Variants in FAM171B observed in about 807,000 individuals in gnomAD.
The protein encoded by FAM171B is protein FAM171B.
FAM171B carries 19 observed loss-of-function variants against 75.6 expected under a neutral mutation model. That is an observed-to-expected ratio of 0.25 (90% CI 0.18 to 0.37). FAM171B has a LOEUF of 0.37. Among genes scored for constraint, FAM171B ranks in the 10% least tolerant of loss-of-function variants. The pLI, the probability that FAM171B is intolerant of heterozygous loss-of-function variation, is 1.00. For synonymous variants in FAM171B, 367 were observed against 361.7 expected (o/e 1.01, Z -0.17); for missense variants, 848 against 982.4 (o/e 0.86, Z 1.83).
intron 1 of FAM171B, among the ~76,000 whole-genome samples, chr2:186,696,805 T>TA (rs1689588058): frequency 6.6e-6 from 1 of 152,128 alleles, no homozygotes. Flanking sequence ...AATCTGCACA[T>TA]CCTTTTTGCT....
chr2:186,746,975 T>G, intron 3 of FAM171B, 117 bp from the exon 4 acceptor site: 1 of 727,504 alleles, frequency 1.4e-6, no homozygotes, highest in Non-Finnish European at 2.2e-6. Context: ...CATGAGAAGA[T>G]GCTAATGATG....
intron 1 of FAM171B, 126 bp from the exon 2 acceptor site, chr2:186,740,102 A>C: frequency 1.6e-6 from 1 of 627,116 alleles, no homozygotes; most frequent in Non-Finnish European, 2.8e-6. Context: ...ATATGTATTT[A>C]TGTGTAGTTC....
At chr2:186,741,009 C>T (rs1690281525) in intron 2 of FAM171B, among the ~76,000 whole-genome samples, 1 of 152,026 alleles carries the variant, frequency 6.6e-6, no homozygotes. Context: ...GGGCAATTTG[C>T]CATTACAGAC....
chr2:186,753,953 C>T lies in FAM171B; in HGVS notation c.916C>T (p.Arg306Trp), dbSNP rs149747896. Residue 306 changes from arginine to tryptophan, a missense_variant, in exon 6 of 8, where the codon CGG (arginine) becomes TGG (tryptophan). Physicochemically the swap from Arg to Trp is moderately radical, Grantham distance 101. Transcript: ENST00000304698. Reference sequence around the variant, plus strand: ...TTTAGGTGCTTGGGTAAATCATGGTCGGGGAATGGTCAAGGAACATAACAA... The same window carrying T: ...TTTAGGTGCTTGGGTAAATCATGGTTGGGGAATGGTCAAGGAACATAACAA... ...MNTGAWVNHG[R>W]GMVKEHNNHL... 52 of 1,613,182 alleles carry T rather than the reference C, an allele frequency of 3.2e-5. No homozygotes were observed. The highest frequency in any genetic ancestry group is 5.3e-5 in the African/African-American group (4 of 74,828).
chr2:186,694,994 T>G (rs2105767730), intron 1 of FAM171B, among the ~76,000 whole-genome samples: 1 of 152,302 alleles, frequency 6.6e-6, no homozygotes, highest in Non-Finnish European at 1.5e-5. Flanking sequence ...GTTTAAGGGT[T>G]CATCTTATTG....
chr2:186,753,798 G>C (rs1690491902), intron 5 of FAM171B, 135 bp from the exon 6 acceptor site: 2 of 586,262 alleles, frequency 3.4e-6, no homozygotes, highest in African/African-American at 1.9e-5. Flanking sequence ...ATAATATGAT[G>C]TGATATATAT....
intron 2 of FAM171B, 128 bp from the exon 3 acceptor site, chr2:186,743,355 T>C (rs1690319346): frequency 1.6e-6 from 1 of 610,796 alleles, no homozygotes; most frequent in Non-Finnish European, 3.0e-6. Context: ...TTTGAATTGC[T>C]CTTCCCATCA....
At chr2:186,734,068 C>T (rs1481293953) in intron 1 of FAM171B, among the ~76,000 whole-genome samples, 1 of 152,186 alleles carries the variant, frequency 6.6e-6, no homozygotes, top group Non-Finnish European at 1.5e-5. Flanking sequence ...ATGAAATACA[C>T]AGACAACTGG....
chr2:186,728,765 G>A (rs892348610), intron 1 of FAM171B, among the ~76,000 whole-genome samples: 2 of 152,084 alleles, frequency 1.3e-5, no homozygotes, highest in Non-Finnish European at 2.9e-5. Context: ...GTGAGTTTTT[G>A]TACTGGATAA....
chr2:186,723,792 CCT>C (rs996049466), intron 1 of FAM171B, among the ~76,000 whole-genome samples: 2 of 152,166 alleles, frequency 1.3e-5, no homozygotes, highest in African/African-American at 4.8e-5. Context: ...CTTGTCCCAC[CCT>C]CTACTTCAAG....
intron 6 of FAM171B, among the ~76,000 whole-genome samples, chr2:186,760,255 G>A (rs184713881): frequency 7.2e-5 from 11 of 152,198 alleles, no homozygotes; most frequent in Admixed American, 2.6e-4. Flanking sequence ...TCTCATAGCA[G>A]GAGGATAGTT....
intron 5 of FAM171B, among the ~76,000 whole-genome samples, 193 bp downstream of exon 5, chr2:186,751,497 CA>C (rs768653316): frequency 1.5e-3 from 234 of 152,022 alleles, no homozygotes; most frequent in Non-Finnish European, 2.4e-3. Flanking sequence ...ATACACATGT[CA>C]AAAAAATAGC....
At chr2:186,741,515 T>G (rs1348618217) in intron 2 of FAM171B, among the ~76,000 whole-genome samples, 3 of 152,020 alleles carry the variant, frequency 2.0e-5, no homozygotes, top group African/African-American at 7.2e-5. Context: ...ATAAGGTAAA[T>G]GGACAAAATC....
intron 1 of FAM171B, among the ~76,000 whole-genome samples, chr2:186,701,982 A>C (rs1046985419): frequency 6.6e-6 from 1 of 152,234 alleles, no homozygotes; most frequent in Non-Finnish European, 1.5e-5. Context: ...CTTAGCTAGG[A>C]AATGGATACA....
rs567230030 is a variant in FAM171B, at chr2:186,763,183, A to G, written c.*360A>G. 3 of 181,836 alleles carry G rather than the reference A, an allele frequency of 1.6e-5. No individual in the cohort carries two copies. Among genetic ancestry groups the G allele is most frequent in the East Asian group, 3.1e-4 (2 of 6,536 alleles). 11.3% of individuals were successfully genotyped at this position (181,836 alleles called of 1,614,324 possible). ...TGCCTCCAAAAATGTTGCCTCTACCATGGTGACTACCCCATGGAACATTTA... is the reference window on the plus strand; with the variant it reads ...TGCCTCCAAAAATGTTGCCTCTACCGTGGTGACTACCCCATGGAACATTTA... On this transcript the variant is annotated 3_prime_UTR_variant, in exon 8 of 8. Transcript: ENST00000304698.
At chr2:186,754,584 T>G (rs1023172262) in intron 6 of FAM171B, among the ~76,000 whole-genome samples, 2 of 152,116 alleles carry the variant, frequency 1.3e-5, no homozygotes, top group African/African-American at 2.4e-5. Flanking sequence ...TCCTGATCAT[T>G]CTAGAGCTGA....
intron 1 of FAM171B, among the ~76,000 whole-genome samples, chr2:186,736,247 A>G (rs746266226): frequency 2.0e-5 from 3 of 152,188 alleles, no homozygotes; most frequent in Non-Finnish European, 4.4e-5. Flanking sequence ...ATGTAGGGCA[A>G]TGGTTTACAA....
At chr2:186,737,319 C>A (rs1292742872) in intron 1 of FAM171B, among the ~76,000 whole-genome samples, 1 of 152,176 alleles carries the variant, frequency 6.6e-6, no homozygotes, top group East Asian at 1.9e-4. Context: ...TAAAAACAGG[C>A]TTTAGTTTTC....
rs1690674386 is a variant in FAM171B at position 186,764,646 on chromosome 2, A to G, written c.*1823A>G. On this transcript the variant is annotated 3_prime_UTR_variant, in exon 8 of 8. Coordinates refer to ENST00000304698, the MANE Select transcript of FAM171B (RefSeq NM_177454.4). ...TATAGACTTGCATTATTAGAAGGAT[A>G]TAACATCTTTTTTAAGTGTGCATTT... 1 of 151,814 alleles carries G rather than the reference A, an allele frequency of 6.6e-6. No homozygotes were observed. The highest frequency in any genetic ancestry group is 2.4e-5 in the African/African-American group (1 of 41,406). 9.4% of individuals were successfully genotyped at this position (151,814 alleles called of 1,614,324 possible). A position where few individuals can be genotyped will look rare whatever the true frequency, so the allele number is the denominator to read the frequency against.
Sources: allele counts gnomAD v4.1 joint callset (sites outside exome capture counted in the v4.1 genomes callset), GRCh38; gene constraint gnomAD v4.1.1; transcripts MANE v1.5; gene names NCBI Gene and HGNC (gene_info 2026-07-23, HGNC 2026-07-21).